KAZN: variants seen among roughly 807,000 people sequenced by gnomAD.
The protein encoded by KAZN is kazrin, periplakin interacting protein.
KAZN carries 40 observed loss-of-function variants against 87.4 expected under a neutral mutation model. The observed-to-expected ratio is 0.46, with a 90% confidence interval of 0.36 to 0.60. KAZN has a LOEUF of 0.60. Among genes scored for constraint, KAZN ranks in the 20% least tolerant of loss-of-function variants. The pLI, the probability that KAZN is intolerant of heterozygous loss-of-function variation, is 0.00. For synonymous variants in KAZN, 466 were observed against 458.3 expected (o/e 1.02, Z -0.22); for missense variants, 898 against 1,073.9 (o/e 0.84, Z 2.29).
At chr1:14,730,388 ATCT>A (rs1260699703) in intron 1 of KAZN, among the ~76,000 whole-genome samples, 2 of 152,052 alleles carry the variant, frequency 1.3e-5, no homozygotes, top group Non-Finnish European at 2.9e-5. Flanking sequence ...GGCCTAAAGT[ATCT>A]TTTTTATCAT....
intron 2 of KAZN, among the ~76,000 whole-genome samples, chr1:14,372,491 T>A (rs1306065211): frequency 6.6e-6 from 1 of 152,204 alleles, no homozygotes; most frequent in Non-Finnish European, 1.5e-5. Context: ...TCCAGCAGCA[T>A]CCCTGGCTTC....
At chr1:14,175,180 T>G (rs1646044535) in intron 1 of KAZN, among the ~76,000 whole-genome samples, 1 of 152,174 alleles carries the variant, frequency 6.6e-6, no homozygotes, top group Admixed American at 6.5e-5. Context: ...CTCGGCTCAC[T>G]GCAAGCTCCG....
intron 1 of KAZN, among the ~76,000 whole-genome samples, chr1:14,672,609 GC>G (rs1639980101): frequency 6.6e-6 from 1 of 152,152 alleles, no homozygotes; most frequent in African/African-American, 2.4e-5. Context: ...TGGAAGAATT[GC>G]TCTCTGACAA....
chr1:13,973,521 T>C (rs565753145), intron 1 of KAZN, among the ~76,000 whole-genome samples: 17 of 152,348 alleles, frequency 1.1e-4, no homozygotes, highest in African/African-American at 4.1e-4. Flanking sequence ...GTCCCCTTCA[T>C]ACAAATGCCT....
intron 7 of KAZN, among the ~76,000 whole-genome samples, chr1:15,064,440 T>C (rs1377088764): frequency 6.6e-6 from 1 of 152,192 alleles, no homozygotes; most frequent in African/African-American, 2.4e-5. Flanking sequence ...CGGTTACGCA[T>C]GATGCCACCA....
intron 2 of KAZN, among the ~76,000 whole-genome samples, chr1:14,368,423 T>TGGA (rs1660190818): frequency 1.3e-5 from 2 of 152,232 alleles, no homozygotes; most frequent in Non-Finnish European, 2.9e-5. Context: ...GAATGATCCA[T>TGGA]CCATTAGGCA....
At chr1:14,812,848 C>T (rs1181027060) in intron 1 of KAZN, among the ~76,000 whole-genome samples, 1 of 152,142 alleles carries the variant, frequency 6.6e-6, no homozygotes, top group Non-Finnish European at 1.5e-5. Context: ...AAGTTTTAGC[C>T]TGTGAAAACT....
At chr1:14,010,366 G>A (rs750345189) in intron 1 of KAZN, among the ~76,000 whole-genome samples, 1 of 152,104 alleles carries the variant, frequency 6.6e-6, no homozygotes, top group Non-Finnish European at 1.5e-5. Flanking sequence ...GAAGGGCTGG[G>A]GCCAACTCAG....
At chr1:15,065,031 T>TC (rs1557772888) in intron 7 of KAZN, among the ~76,000 whole-genome samples, 1 of 119,698 alleles carries the variant, frequency 8.4e-6, no homozygotes, top group Non-Finnish European at 1.6e-5. Context: ...TTCTTTCTTT[T>TC]TTTTTTTTTT....
At chr1:15,111,887 G>A in intron 13 of KAZN, 1 of 154,190 alleles carries the variant, frequency 6.5e-6, no homozygotes, top group Non-Finnish European at 1.4e-5. Flanking sequence ...GCTGTAGTTG[G>A]CCAAATCCTA....
intron 2 of KAZN, among the ~76,000 whole-genome samples, chr1:14,567,519 C>G (rs1011102745): frequency 6.6e-6 from 1 of 152,134 alleles, no homozygotes; most frequent in African/African-American, 2.4e-5. Context: ...TGCCACAAAC[C>G]TTGAACTTGT....
chr1:14,804,925 G>C (rs1419204003), intron 1 of KAZN, among the ~76,000 whole-genome samples: 1 of 152,140 alleles, frequency 6.6e-6, no homozygotes, highest in Non-Finnish European at 1.5e-5. Context: ...GACCAGCTTG[G>C]CATGCCCGTG....
intron 2 of KAZN, among the ~76,000 whole-genome samples, chr1:14,982,939 T>G (rs1447347327): frequency 6.6e-6 from 1 of 152,196 alleles, no homozygotes; most frequent in Admixed American, 6.5e-5. Flanking sequence ...ACAGGCATCC[T>G]CTGGCTGGAA....
chr1:14,383,173 T>C (rs1330049709), intron 2 of KAZN, among the ~76,000 whole-genome samples: 4 of 152,180 alleles, frequency 2.6e-5, no homozygotes, highest in Non-Finnish European at 4.4e-5. Flanking sequence ...GTTGTTTTTT[T>C]CCTGTAAATT....
intron 3 of KAZN, among the ~76,000 whole-genome samples, chr1:15,042,041 G>A (rs1672979137): frequency 6.6e-6 from 1 of 152,188 alleles, no homozygotes; most frequent in Admixed American, 6.5e-5. Context: ...CTGCTGCCGC[G>A]GAATATGACC....
chr1:14,425,648 A>T (rs1381849583), intron 2 of KAZN, among the ~76,000 whole-genome samples: 1 of 152,174 alleles, frequency 6.6e-6, no homozygotes, highest in Non-Finnish European at 1.5e-5. Flanking sequence ...AGTGTCCGTG[A>T]ATGCATGAAT....
chr1:14,386,791 C>T (rs1466983558), intron 2 of KAZN, among the ~76,000 whole-genome samples: 1 of 151,900 alleles, frequency 6.6e-6, no homozygotes, highest in Non-Finnish European at 1.5e-5. Flanking sequence ...AATTATGTGT[C>T]TTGGAGTTGC....
At chr1:15,000,196 C>G (rs1016828439) in intron 2 of KAZN, among the ~76,000 whole-genome samples, 5 of 149,478 alleles carry the variant, frequency 3.3e-5, no homozygotes, top group Admixed American at 6.6e-5. Context: ...TGCCCTGTTG[C>G]TGACTTTCAG....
intron 1 of KAZN, among the ~76,000 whole-genome samples, chr1:14,643,275 A>T (rs79373284): frequency 6.6e-6 from 1 of 152,176 alleles, no homozygotes; most frequent in Non-Finnish European, 1.5e-5. Context: ...TCACCTCGGT[A>T]TTAAGCCCAC....
Sources: gnomAD v4.1 joint callset for allele counts (sites outside exome capture counted in the v4.1 genomes callset) on GRCh38, gnomAD v4.1.1 for gene constraint, MANE v1.5 for transcripts, NCBI Gene and HGNC (gene_info 2026-07-23, HGNC 2026-07-21) for gene names.